SLC8A1: variants seen among roughly 807,000 people sequenced by gnomAD.
The protein encoded by SLC8A1 is solute carrier family 8 member A1.
In SLC8A1, 18 loss-of-function variants were observed where a neutral mutation model predicts 68.3. The ratio of observed to expected loss-of-function variants is 0.26; its 90% CI spans 0.18 to 0.39. SLC8A1 has a LOEUF of 0.39. Among genes scored for constraint, SLC8A1 ranks in the 10% least tolerant of loss-of-function variants. The pLI is 1.00. For synonymous variants in SLC8A1, 475 were observed against 415.5 expected (o/e 1.14, Z -1.74); for missense variants, 985 against 1,156.7 (o/e 0.85, Z 2.15).
At chr2:40,319,530 G>A (rs1372893486) in intron 2 of SLC8A1, among the ~76,000 whole-genome samples, 4 of 152,120 alleles carry the variant, frequency 2.6e-5, no homozygotes, top group South Asian at 4.1e-4. Context: ...TATCAGAGAC[G>A]TTCAAAACAC....
intron 2 of SLC8A1, among the ~76,000 whole-genome samples, chr2:40,297,614 A>C (rs138067357): frequency 6.6e-6 from 1 of 152,330 alleles, no homozygotes; most frequent in Non-Finnish European, 1.5e-5. Context: ...TTATCTAAAG[A>C]CTTAACCTTC....
intron 2 of SLC8A1, among the ~76,000 whole-genome samples, chr2:40,240,497 G>A (rs1427934174): frequency 6.6e-6 from 1 of 152,172 alleles, no homozygotes; most frequent in Non-Finnish European, 1.5e-5. Context: ...CCCCACTGTA[G>A]TATTAGAGAA....
chr2:40,310,100 T>G (rs375197224), intron 2 of SLC8A1, among the ~76,000 whole-genome samples: 47 of 152,306 alleles, frequency 3.1e-4, no homozygotes, highest in African/African-American at 1.1e-3. Context: ...CAGCAGAATG[T>G]TTTCAAGTTT....
intron 4 of SLC8A1, among the ~76,000 whole-genome samples, chr2:40,171,835 A>G (rs934466390): frequency 6.6e-6 from 1 of 152,254 alleles, no homozygotes; most frequent in Non-Finnish European, 1.5e-5. Context: ...GAATGAGATC[A>G]TAGGCCCAAA....
intron 2 of SLC8A1, among the ~76,000 whole-genome samples, chr2:40,243,534 A>G (rs1374078459): frequency 1.3e-5 from 2 of 152,222 alleles, no homozygotes; most frequent in Non-Finnish European, 2.9e-5. Context: ...TCAGTATTTA[A>G]GAAAAAATAA....
chr2:40,166,947 C>T (rs1398675211), intron 4 of SLC8A1, among the ~76,000 whole-genome samples: 1 of 152,138 alleles, frequency 6.6e-6, no homozygotes, highest in Non-Finnish European at 1.5e-5. Flanking sequence ...TTATTATGGC[C>T]TTCTTTTTGT....
chr2:40,218,832 G>C (rs2148824844), intron 2 of SLC8A1, among the ~76,000 whole-genome samples: 1 of 152,248 alleles, frequency 6.6e-6, no homozygotes, highest in East Asian at 1.9e-4. Context: ...GAAAAATGCT[G>C]ACTTGCATGT....
chr2:40,280,495 T>G (rs2067352162), intron 2 of SLC8A1, among the ~76,000 whole-genome samples: 1 of 152,200 alleles, frequency 6.6e-6, no homozygotes, highest in Non-Finnish European at 1.5e-5. Context: ...CACATTTGCC[T>G]TCAATCATAA....
chr2:40,466,504 T>C (rs949784248), intron 1 of SLC8A1, among the ~76,000 whole-genome samples: 8 of 152,178 alleles, frequency 5.3e-5, no homozygotes, highest in African/African-American at 1.7e-4. Flanking sequence ...AAAGAAAATA[T>C]GTAGTTTCAG....
intron 2 of SLC8A1, among the ~76,000 whole-genome samples, chr2:40,305,460 G>C (rs527895398): frequency 2.3e-4 from 35 of 152,284 alleles, no homozygotes; most frequent in African/African-American, 7.2e-4. Flanking sequence ...AGAATCACCG[G>C]TATAGGGAGG....
chr2:40,371,744 T>C (rs7581611), intron 2 of SLC8A1, among the ~76,000 whole-genome samples: 85,392 of 151,898 alleles, frequency 0.56, 24,628 homozygotes, highest in African/African-American at 0.65. Context: ...ATGTGCAAAA[T>C]TGTCTCCCAG....
At chr2:40,244,492 T>C (rs977701666) in intron 2 of SLC8A1, among the ~76,000 whole-genome samples, 1 of 150,912 alleles carries the variant, frequency 6.6e-6, no homozygotes, top group Non-Finnish European at 1.5e-5. Context: ...CTCATGTTTT[T>C]CCCTGGCAGT....
At chr2:40,418,246 T>C (rs112317473) in intron 2 of SLC8A1, among the ~76,000 whole-genome samples, 2,139 of 152,318 alleles carry the variant, frequency 0.014, 49 homozygotes, top group African/African-American at 0.048. Flanking sequence ...ACTTCTACAC[T>C]TATATATTCA....
At chr2:40,152,202 AGTAT>A (rs1222122220) in intron 6 of SLC8A1, among the ~76,000 whole-genome samples, 3 of 152,220 alleles carry the variant, frequency 2.0e-5, no homozygotes, top group Non-Finnish European at 4.4e-5. Flanking sequence ...ATGCACAGAA[AGTAT>A]GTATTTCTTG....
In SLC8A1 at chr2:40,235,342, C is replaced by T. The variant is rs1384443735; in HGVS notation, c.1809-57487G>A. On this transcript the variant is annotated intron_variant, in intron 2 of 7. Coordinates refer to ENST00000406785, the Ensembl canonical transcript of SLC8A1. ...TTTAGTCTTGGGAGAGTGTATGTGT[C>T]GAGGAATTTATCCATTTCTTCTAGA... 1.1e-4 allele frequency among the ~76,000 whole-genome samples: 16 copies of T among 152,018 alleles called. 1 individual carries two copies. In the South Asian group the frequency reaches 2.1e-3, roughly 20 times the overall value.
chr2:40,277,230 T>TTTTC (rs61175881), intron 2 of SLC8A1, among the ~76,000 whole-genome samples: 1 of 100,918 alleles, frequency 9.9e-6, no homozygotes, highest in Non-Finnish European at 2.1e-5. Context: ...TCTATGCCTG[T>TTTTC]TTTTTTTTTA....
At chr2:40,214,022 G>T (rs545802357) in intron 2 of SLC8A1, among the ~76,000 whole-genome samples, 1 of 152,278 alleles carries the variant, frequency 6.6e-6, no homozygotes, top group Non-Finnish European at 1.5e-5. Context: ...AAACCTAAGT[G>T]TGTAGCCAGT....
chr2:40,412,252 C>A (rs371953320), intron 2 of SLC8A1, among the ~76,000 whole-genome samples: 113 of 152,100 alleles, frequency 7.4e-4, no homozygotes, highest in African/African-American at 2.7e-3. Flanking sequence ...ATGTTATAAC[C>A]TTTTTGGTGA....
At chr2:40,404,651 T>C (rs1463704430) in intron 2 of SLC8A1, among the ~76,000 whole-genome samples, 1 of 152,192 alleles carries the variant, frequency 6.6e-6, no homozygotes, top group Non-Finnish European at 1.5e-5. Context: ...TGGTCTGACT[T>C]AGGGTGCCAT....
Sources: allele counts gnomAD v4.1 joint callset (sites outside exome capture counted in the v4.1 genomes callset), GRCh38; gene constraint gnomAD v4.1.1; transcripts MANE v1.5; gene names NCBI Gene and HGNC (gene_info 2026-07-23, HGNC 2026-07-21).